The following RELN variants were observed in gnomAD, a reference collection of about 807,000 sequenced individuals.
RELN encodes reelin.
A neutral mutation model predicts 427.6 loss-of-function variants in RELN; 108 were observed. The ratio of observed to expected loss-of-function variants is 0.25; its 90% CI spans 0.22 to 0.30. The LOEUF (loss-of-function observed/expected upper bound fraction) is 0.30, where lower values mean the gene tolerates loss of function less well. Among genes scored for constraint, RELN ranks in the 10% least tolerant of loss-of-function variants. The pLI is 1.00. For synonymous variants in RELN, 1,524 were observed against 1,513.4 expected (o/e 1.01, Z -0.16); for missense variants, 3,715 against 4,302.8 (o/e 0.86, Z 3.82).
chr7:103,959,375 T>A (rs951117007), intron 1 of RELN, among the ~76,000 whole-genome samples: 2 of 152,196 alleles, frequency 1.3e-5, no homozygotes, highest in African/African-American at 4.8e-5. Context: ...CATATTTATA[T>A]CCCAGCCCAA....
chr7:103,624,323 G>A (rs927167917), intron 20 of RELN, among the ~76,000 whole-genome samples: 51 of 151,956 alleles, frequency 3.4e-4, no homozygotes, highest in African/African-American at 1.1e-3. Context: ...CTACTCTCTC[G>A]GGCTGATCAC....
At position 103,654,094 on chromosome 7, in the gene RELN, T is replaced by G; in HGVS notation, c.1553A>C (p.Lys518Thr). The change falls in exon 13 of 65, where the codon AAG becomes ACG. Residue 518 changes from lysine (K) to threonine (T), a missense_variant and splice_region_variant. Lys to Thr is a moderately conservative substitution (Grantham distance 78). Coordinates refer to ENST00000428762, the MANE Select transcript of RELN (RefSeq NM_005045.4). ...TLDTLSYSSY[K>T]VPSLVSVVIN... The stretch of plus-strand genomic sequence containing the variant: ...TGCCACACAGACTGGCATGTGTACC[T>G]TATATGAGGAATAGGAAAGGGTATC... 1 of 1,543,056 alleles carries G rather than the reference T, an allele frequency of 6.5e-7. No homozygotes were observed. The highest frequency in any genetic ancestry group is 1.4e-5 in the African/African-American group (1 of 73,582).
chr7:103,511,547 A>G (rs902361412), intron 50 of RELN, among the ~76,000 whole-genome samples: 1 of 152,176 alleles, frequency 6.6e-6, no homozygotes, highest in African/African-American at 2.4e-5. Flanking sequence ...TAGCTTTATC[A>G]AGATATAACT....
chr7:103,674,412 T>C (rs572172873), intron 11 of RELN, among the ~76,000 whole-genome samples: 79 of 152,260 alleles, frequency 5.2e-4, no homozygotes, highest in African/African-American at 1.7e-3. Flanking sequence ...TCTTTTTTTT[T>C]CCCATGGAGG....
intron 51 of RELN, 89 bp from the exon 52 acceptor site, chr7:103,503,319 C>T (rs1829098619): frequency 3.9e-6 from 4 of 1,019,046 alleles, no homozygotes; most frequent in South Asian, 2.6e-5. Flanking sequence ...CTGCTGATCA[C>T]TTGATATACA....
intron 41 of RELN, among the ~76,000 whole-genome samples, chr7:103,549,381 G>A (rs1830364753): frequency 6.6e-6 from 1 of 152,180 alleles, no homozygotes; most frequent in Non-Finnish European, 1.5e-5. Context: ...TGCCAATCAT[G>A]AGGGCTCCAC....
Position 103,496,713 on chromosome 7 carries a change from T to C in RELN, c.9006A>G (p.Arg3002=), listed in dbSNP as rs1312264370. Residue 3002 remains arginine (R), a synonymous_variant, in exon 56 of 65, where the codon AGA becomes AGG. Coordinates refer to ENST00000428762, the MANE Select transcript of RELN (RefSeq NM_005045.4). ...CTTCAGGAAGAAGTATGTAGTCGTGTCTAACAGAAATGTATTTCTGGTAAT... is the reference window on the plus strand; with the variant it reads ...CTTCAGGAAGAAGTATGTAGTCGTGCCTAACAGAAATGTATTTCTGGTAAT... ...EMDYQKYISV[R]HDYILLPEDA... The C allele has an allele frequency of 2.7e-5, 44 of 1,613,982 alleles. No individual in the cohort carries two copies. Among genetic ancestry groups the C allele is most frequent in the Non-Finnish European group, 3.6e-5 (43 of 1,179,974 alleles).
At chr7:103,502,596 T>C (rs909624423) in intron 52 of RELN, among the ~76,000 whole-genome samples, 1 of 152,114 alleles carries the variant, frequency 6.6e-6, no homozygotes, top group Non-Finnish European at 1.5e-5. Flanking sequence ...GTGGTAGAAA[T>C]AGCATGATGA....
chr7:103,650,427 T>A (rs943371842), intron 15 of RELN, 44 bp from the exon 16 acceptor site: 1 of 1,147,698 alleles, frequency 8.7e-7, no homozygotes, highest in Non-Finnish European at 1.3e-6. Flanking sequence ...ACTATGTTCA[T>A]ATCTTTAGAA....
chr7:103,698,587 C>A (rs749197106), intron 9 of RELN, among the ~76,000 whole-genome samples: 5 of 152,116 alleles, frequency 3.3e-5, no homozygotes, highest in Non-Finnish European at 7.4e-5. Flanking sequence ...TATCACAGAT[C>A]ACCGTAACCT....
chr7:103,963,431 T>C (rs939420368), intron 1 of RELN, among the ~76,000 whole-genome samples: 1 of 152,232 alleles, frequency 6.6e-6, no homozygotes, highest in Non-Finnish European at 1.5e-5. Context: ...TCAGATGTTC[T>C]AGGTAGGAGT....
At chr7:103,854,103 T>A (rs1793888186) in intron 2 of RELN, among the ~76,000 whole-genome samples, 1 of 152,206 alleles carries the variant, frequency 6.6e-6, no homozygotes. Context: ...TACACAATTA[T>A]TATGTGTCAA....
At position 103,746,876 on chromosome 7, in the gene RELN, A is replaced by G. The variant is rs1790848678; in HGVS notation, c.656+2550T>C. Among the ~76,000 whole-genome samples, 4 of 152,118 alleles carry G rather than the reference A, an allele frequency of 2.6e-5. No individual in the cohort carries two copies. The South Asian group carries it at 8.3e-4, about 32-fold the overall frequency. ...TGTGGCGATTCCTCAGGGATCTAGAACTAGAAATACCATTTGACCCAGCCA... is the reference window on the plus strand; with the variant it reads ...TGTGGCGATTCCTCAGGGATCTAGAGCTAGAAATACCATTTGACCCAGCCA... On this transcript the variant is annotated intron_variant, in intron 6 of 64. Transcript: ENST00000428762.
At chr7:103,730,430 G>T (rs866408501) in intron 6 of RELN, among the ~76,000 whole-genome samples, 7 of 151,974 alleles carry the variant, frequency 4.6e-5, no homozygotes, top group Middle Eastern at 6.8e-3. Flanking sequence ...GTACCTAGAT[G>T]ACAGATGTTT....
chr7:103,604,213 G>A (rs1289808651), intron 23 of RELN, 133 bp downstream of exon 23: 2 of 984,004 alleles, frequency 2.0e-6, no homozygotes, highest in East Asian at 2.5e-5. Context: ...CAAACAGAAA[G>A]GAGGACTTGT....
At chr7:103,849,562 C>CTCTGGGCTTATCTA (rs1187256492) in intron 2 of RELN, among the ~76,000 whole-genome samples, 3 of 152,158 alleles carry the variant, frequency 2.0e-5, no homozygotes, top group African/African-American at 7.2e-5. Flanking sequence ...CTACCTACAT[C>CTCTGGGCTTATCTA]TCTGGGCTTA....
At chr7:103,750,058 C>T (rs1207216731) in intron 5 of RELN, among the ~76,000 whole-genome samples, 1 of 152,180 alleles carries the variant, frequency 6.6e-6, no homozygotes, top group Non-Finnish European at 1.5e-5. Flanking sequence ...TGGCTCACTG[C>T]AACCTTAGTC....
intron 3 of RELN, among the ~76,000 whole-genome samples, chr7:103,787,275 A>G (rs1169783093): frequency 6.6e-6 from 1 of 152,146 alleles, no homozygotes; most frequent in Admixed American, 6.6e-5. Context: ...ACCCTAACAC[A>G]CAATTAAAAG....
chr7:103,750,898 A>T (rs1322089243), intron 5 of RELN, among the ~76,000 whole-genome samples: 2 of 152,182 alleles, frequency 1.3e-5, no homozygotes, highest in African/African-American at 4.8e-5. Context: ...CCTATTTTTA[A>T]GTTCTAGAAG....
Sources: gnomAD v4.1 joint callset for allele counts (sites outside exome capture counted in the v4.1 genomes callset) on GRCh38, gnomAD v4.1.1 for gene constraint, MANE v1.5 for transcripts, NCBI Gene and HGNC (gene_info 2026-07-23, HGNC 2026-07-21) for gene names.